Variants in WDFY3 observed in about 807,000 individuals in gnomAD.
The protein encoded by WDFY3 is WD repeat and FYVE domain-containing protein 3.
A neutral mutation model predicts 409.6 loss-of-function variants in WDFY3; 66 were observed. The observed-to-expected ratio is 0.16, with a 90% CI of 0.13 to 0.20. WDFY3 has a LOEUF of 0.20. Among genes scored for constraint, WDFY3 ranks in the 10% least tolerant of loss-of-function variants. The pLI, the probability that WDFY3 is intolerant of heterozygous loss-of-function variation, is 1.00. For missense variants in WDFY3, 3,031 were observed against 4,298.1 expected, an observed-to-expected ratio of 0.71 and a Z score of 8.24; for synonymous variants, 1,521 against 1,537.1, an observed-to-expected ratio of 0.99 and a Z score of 0.25.
intron 12 of WDFY3, among the ~76,000 whole-genome samples, chr4:84,819,682 T>A (rs1486291597): frequency 6.6e-6 from 1 of 152,118 alleles, no homozygotes; most frequent in African/African-American, 2.4e-5. Context: ...AGAGAATCAT[T>A]GTTCAGTATT....
At chr4:84,862,299 C>A (rs548220951) in intron 3 of WDFY3, among the ~76,000 whole-genome samples, 1 of 152,282 alleles carries the variant, frequency 6.6e-6, no homozygotes, top group Non-Finnish European at 1.5e-5. Flanking sequence ...AACTACTGTG[C>A]AGAGAGCACT....
At chr4:84,895,977 G>C (rs1168656938) in intron 3 of WDFY3, among the ~76,000 whole-genome samples, 1 of 152,094 alleles carries the variant, frequency 6.6e-6, no homozygotes, top group Admixed American at 6.5e-5. Context: ...GATGAAAGAG[G>C]CTGGGCGCAG....
chr4:84,890,462 T>A (rs544782544), intron 3 of WDFY3, among the ~76,000 whole-genome samples: 1 of 152,200 alleles, frequency 6.6e-6, no homozygotes, highest in African/African-American at 2.4e-5. Flanking sequence ...ATACATACAT[T>A]TTTTACCTGC....
chr4:84,724,694 T>A, intron 45 of WDFY3, 100 bp from the exon 46 acceptor site: 1 of 1,327,156 alleles, frequency 7.5e-7, no homozygotes, highest in Non-Finnish European at 1.0e-6. Flanking sequence ...GTTACCTTTT[T>A]AAAGGGGCTT....
intron 24 of WDFY3, among the ~76,000 whole-genome samples, chr4:84,783,496 C>G (rs775388817): frequency 2.6e-5 from 4 of 152,130 alleles, no homozygotes; most frequent in Non-Finnish European, 5.9e-5. Context: ...ACAAACACTT[C>G]CAAAGTGTGG....
At chr4:84,914,256 C>A (rs1393389787) in intron 2 of WDFY3, among the ~76,000 whole-genome samples, 1 of 151,938 alleles carries the variant, frequency 6.6e-6, no homozygotes, top group African/African-American at 2.4e-5. Context: ...CCCGTCTCTA[C>A]TAAAAATACA....
chr4:84,835,801 A>G, intron 7 of WDFY3, among the ~76,000 whole-genome samples: 1 of 152,136 alleles, frequency 6.6e-6, no homozygotes, highest in East Asian at 1.9e-4. Context: ...TCCTACTCTC[A>G]GTAGTGGTGA....
rs1281561224 is a variant in WDFY3, at chr4:84,740,210, G to A, written c.6441C>T (p.Cys2147=). 1 of 1,614,054 alleles carries A rather than the reference G, an allele frequency of 6.2e-7. No homozygotes were observed. The highest frequency in any genetic ancestry group is 1.1e-5 in the South Asian group (1 of 91,088). The change falls in exon 39 of 68, where the codon TGC becomes TGT. Residue 2147 remains cysteine, a synonymous_variant. Coordinates refer to ENST00000295888, the MANE Select transcript of WDFY3 (RefSeq NM_014991.6). The part of the protein sequence containing the change: ...DQEFISCLAH[C]LINLHVGSNV... ...ACCTTCCAACATGTAGATTTATCAAGCAGTGGGCCAGACAGCTAATGAATT... is the reference window on the plus strand; with the variant it reads ...ACCTTCCAACATGTAGATTTATCAAACAGTGGGCCAGACAGCTAATGAATT...
At chr4:84,772,158 G>T (rs1350513299) in intron 30 of WDFY3, among the ~76,000 whole-genome samples, 2 of 152,066 alleles carry the variant, frequency 1.3e-5, no homozygotes, top group African/African-American at 4.8e-5. Context: ...ATGTAAATAA[G>T]GCTGAACAAA....
chr4:84,845,114 A>T (rs1047918517), intron 5 of WDFY3, among the ~76,000 whole-genome samples: 3 of 150,108 alleles, frequency 2.0e-5, no homozygotes, highest in Non-Finnish European at 4.4e-5. Context: ...GTAATCTGAT[A>T]AAAAAAAGGC....
chr4:84,888,124 C>T (rs1275044253), intron 3 of WDFY3, among the ~76,000 whole-genome samples: 1 of 152,136 alleles, frequency 6.6e-6, no homozygotes, highest in East Asian at 1.9e-4. Context: ...GGATCTCCCG[C>T]TATCTTTAAT....
intron 8 of WDFY3, 115 bp from the exon 9 acceptor site, chr4:84,829,305 C>T: frequency 1.2e-6 from 1 of 861,358 alleles, no homozygotes; most frequent in Non-Finnish European, 1.7e-6. Context: ...CTGTAAAATA[C>T]TATGAGATAA....
At chr4:84,964,577 A>C (rs1221334329) in intron 1 of WDFY3, among the ~76,000 whole-genome samples, 3 of 152,250 alleles carry the variant, frequency 2.0e-5, no homozygotes, top group Non-Finnish European at 4.4e-5. Flanking sequence ...AATCCAACTA[A>C]TATTGAAATA....
intron 15 of WDFY3, 114 bp downstream of exon 15, chr4:84,808,220 C>CAA: frequency 1.1e-6 from 1 of 917,716 alleles, no homozygotes; most frequent in Non-Finnish European, 1.6e-6. Context: ...CAAAACAAAA[C>CAA]AAAACAAAAA....
chr4:84,692,793 T>C (rs975780362), intron 59 of WDFY3, 92 bp downstream of exon 59: 10 of 1,258,390 alleles, frequency 7.9e-6, no homozygotes, highest in Non-Finnish European at 1.1e-5. Context: ...CAAATTATGC[T>C]ATCGTCAAAA....
At chr4:84,915,796 C>G (rs1768401984) in intron 2 of WDFY3, among the ~76,000 whole-genome samples, 1 of 152,152 alleles carries the variant, frequency 6.6e-6, no homozygotes. Context: ...GTACAGACCT[C>G]AATTAACAGG....
chr4:84,684,244 G>T, intron 62 of WDFY3, 119 bp from the exon 63 acceptor site: 2 of 930,862 alleles, frequency 2.1e-6, no homozygotes, highest in Non-Finnish European at 3.0e-6. Context: ...AAGACTAGTG[G>T]CTAATTTCTT....
At chr4:84,773,034 A>C in intron 29 of WDFY3, 105 bp from the exon 30 acceptor site, 2 of 798,316 alleles carry the variant, frequency 2.5e-6, no homozygotes, top group Admixed American at 3.8e-5. Flanking sequence ...CCAAAACAGT[A>C]CTTTTTTTTT....
At position 84,751,609 on chromosome 4, in the gene WDFY3, G is replaced by A. The variant is rs745609075; in HGVS notation, c.5847C>T (p.Thr1949=). The part of the protein sequence containing the change: ...RSQSEYCNVG[T]KTYLTNHPAK... ...CCGGGTGATTGGTCAGATATGTCTTGGTGCCCACATTGCAGTACTCTGATT... is the reference window on the plus strand; with the variant it reads ...CCGGGTGATTGGTCAGATATGTCTTAGTGCCCACATTGCAGTACTCTGATT... Residue 1949 remains threonine, a synonymous_variant, in exon 36 of 68, where the codon ACC becomes ACT. Transcript: ENST00000295888. 1.2e-6 allele frequency: 2 copies of A among 1,614,046 alleles called. No homozygotes were observed. Among genetic ancestry groups the A allele is most frequent in the East Asian group, 4.5e-5 (2 of 44,874 alleles).
Sources: allele counts gnomAD v4.1 joint callset (sites outside exome capture counted in the v4.1 genomes callset), GRCh38; gene constraint gnomAD v4.1.1; transcripts MANE v1.5; gene names NCBI Gene and HGNC (gene_info 2026-07-23, HGNC 2026-07-21).